The following ARPP21 variants were observed in gnomAD, a reference collection of about 807,000 sequenced individuals.
ARPP21 encodes the protein cAMP regulated phosphoprotein 21, also known as cAMP-regulated phosphoprotein 21.
ARPP21 carries 69 observed loss-of-function variants against 113.2 expected under a neutral mutation model. The observed-to-expected ratio is 0.61, with a 90% confidence interval of 0.50 to 0.74. The LOEUF is 0.74. Ranked by LOEUF, ARPP21 falls within the 30% of genes least tolerant of loss-of-function variation. ARPP21 has a pLI of 0.00. For synonymous variants in ARPP21, 368 were observed against 375.5 expected (o/e 0.98, Z 0.23); for missense variants, 1,070 against 1,037.4 (o/e 1.03, Z -0.43).
intron 12 of ARPP21, chr3:35,715,762 C>T: frequency 4.4e-6 from 1 of 226,318 alleles, no homozygotes; most frequent in Non-Finnish European, 8.8e-6. Flanking sequence ...ATTACCTTCA[C>T]CAGGCATTAA....
chr3:35,765,393 A>G (rs888954518), intron 19 of ARPP21, among the ~76,000 whole-genome samples: 2 of 152,120 alleles, frequency 1.3e-5, no homozygotes, highest in Admixed American at 6.6e-5. Context: ...ACAGAAACCA[A>G]GCGAGTGGGG....
At chr3:35,701,322 A>AG (rs964841220) in intron 9 of ARPP21, among the ~76,000 whole-genome samples, 21 of 151,766 alleles carry the variant, frequency 1.4e-4, no homozygotes, top group African/African-American at 4.6e-4. Context: ...ATTTAGAAGA[A>AG]TTGCTGTTCT....
At chr3:35,745,870 G>T (rs2095008707) in intron 19 of ARPP21, among the ~76,000 whole-genome samples, 1 of 152,114 alleles carries the variant, frequency 6.6e-6, no homozygotes, top group South Asian at 2.1e-4. Context: ...TGGTAGCTTT[G>T]GTTTGTCACA....
intron 19 of ARPP21, among the ~76,000 whole-genome samples, chr3:35,789,495 T>C (rs1286207428): frequency 2.6e-5 from 4 of 151,558 alleles, no homozygotes; most frequent in African/African-American, 4.9e-5. Context: ...AATTGGGCTC[T>C]CCTTACACTA....
intron 14 of ARPP21, among the ~76,000 whole-genome samples, chr3:35,722,498 C>G (rs977721644): frequency 2.0e-5 from 3 of 152,122 alleles, no homozygotes; most frequent in African/African-American, 7.2e-5. Context: ...GTTATAAACC[C>G]CCAATAAACT....
At chr3:35,663,561 A>C (rs919987023) in intron 1 of ARPP21, among the ~76,000 whole-genome samples, 1 of 152,214 alleles carries the variant, frequency 6.6e-6, no homozygotes, top group Admixed American at 6.5e-5. Flanking sequence ...AGAAATTTTT[A>C]ATAGCACAAA....
At chr3:35,713,337 A>G (rs2091732783) in intron 11 of ARPP21, among the ~76,000 whole-genome samples, 1 of 152,148 alleles carries the variant, frequency 6.6e-6, no homozygotes, top group Non-Finnish European at 1.5e-5. Context: ...GGATAATGAG[A>G]TAATTTTTTA....
intron 19 of ARPP21, among the ~76,000 whole-genome samples, chr3:35,775,591 G>A (rs1222734105): frequency 3.3e-5 from 5 of 152,008 alleles, no homozygotes; most frequent in Non-Finnish European, 7.4e-5. Context: ...AGACATATCT[G>A]GTCATCCCAT....
chr3:35,737,765 A>G (rs1047506101), intron 16 of ARPP21, among the ~76,000 whole-genome samples: 5 of 152,174 alleles, frequency 3.3e-5, no homozygotes, highest in African/African-American at 9.7e-5. Flanking sequence ...ATCAATGGGA[A>G]GAACAGAAAT....
At chr3:35,787,904 A>G (rs1415717557) in intron 19 of ARPP21, among the ~76,000 whole-genome samples, 1 of 152,160 alleles carries the variant, frequency 6.6e-6, no homozygotes, top group South Asian at 2.1e-4. Context: ...AATTCCTCGT[A>G]ATAGCTCTGT....
Position 35,669,696 on chromosome 3 carries a change from T to C in ARPP21, c.-212-10091T>C, listed in dbSNP as rs193023766. On this transcript the variant is annotated intron_variant, in intron 1 of 20. Transcript: ENST00000684406. Reference sequence around the variant, plus strand: ...TGGGTGGGTTAACTTCACATCTTTCTTTCTGAAGTGTCAATTTGCACTAGG... The same window carrying C: ...TGGGTGGGTTAACTTCACATCTTTCCTTCTGAAGTGTCAATTTGCACTAGG... Among the ~76,000 whole-genome samples the C allele has an allele frequency of 3.7e-3, 562 of 152,304 alleles. 2 individuals are homozygous for C. The highest frequency in any genetic ancestry group is 0.013 in the African/African-American group (544 of 41,582).
chr3:35,788,313 G>T (rs2096673451), intron 19 of ARPP21, among the ~76,000 whole-genome samples: 1 of 152,132 alleles, frequency 6.6e-6, no homozygotes, highest in Non-Finnish European at 1.5e-5. Flanking sequence ...CAGGGCTCTT[G>T]CTGGTTCCTT....
intron 19 of ARPP21, among the ~76,000 whole-genome samples, chr3:35,758,290 G>A (rs544147838): frequency 3.3e-5 from 5 of 151,992 alleles, no homozygotes; most frequent in South Asian, 4.2e-4. Flanking sequence ...CTTGGGGGGC[G>A]GGGGAACTAA....
chr3:35,755,828 T>C (rs1462744469), intron 19 of ARPP21, among the ~76,000 whole-genome samples: 1 of 152,102 alleles, frequency 6.6e-6, no homozygotes, highest in African/African-American at 2.4e-5. Flanking sequence ...GCAAGGCTTT[T>C]GGATGGTGTT....
rs1049452495 is a variant in ARPP21, at chr3:35,693,434, T to C, written c.686+2429T>C. ...GGTTCATCCTCTATTTGAGTAGTTC[T>C]TGAGGTGGGGGTGGATAACTGATGT... is the stretch of plus-strand genomic sequence containing the variant. On this transcript the variant is annotated intron_variant, in intron 9 of 20. Transcript: ENST00000684406. Among the ~76,000 whole-genome samples, 5 of 151,698 alleles carry C rather than the reference T, an allele frequency of 3.3e-5. No homozygotes were observed. In the East Asian group the frequency reaches 7.8e-4, roughly 24 times the overall value.
chr3:35,700,920 A>C (rs2086111453), intron 9 of ARPP21, among the ~76,000 whole-genome samples: 1 of 151,688 alleles, frequency 6.6e-6, no homozygotes, highest in Admixed American at 6.6e-5. Flanking sequence ...AGAAATACCT[A>C]ATATAAATGA....
At chr3:35,750,921 C>T (rs1450248306) in intron 19 of ARPP21, among the ~76,000 whole-genome samples, 2 of 152,170 alleles carry the variant, frequency 1.3e-5, no homozygotes, top group East Asian at 1.9e-4. Context: ...TAAGCTTCTG[C>T]CCGCATCTCT....
chr3:35,648,523 G>C (rs1298369675), intron 1 of ARPP21, among the ~76,000 whole-genome samples: 1 of 152,152 alleles, frequency 6.6e-6, no homozygotes, highest in African/African-American at 2.4e-5. Flanking sequence ...ACCACAGAAG[G>C]CTTCAGCTTC....
chr3:35,794,044 T>A lies in ARPP21; in HGVS notation c.*86T>A. 1 of 1,226,952 alleles carries A rather than the reference T, an allele frequency of 8.2e-7. No individual in the cohort carries two copies. 76.0% of individuals were successfully genotyped at this position (1,226,952 alleles called of 1,614,324 possible). A position where few individuals can be genotyped will look rare whatever the true frequency, so the allele number is the denominator to read the frequency against. On this transcript the variant is annotated 3_prime_UTR_variant, in exon 21 of 21. Coordinates refer to ENST00000684406, the MANE Select transcript of ARPP21 (RefSeq NM_001385562.1). ...AAGGTGGGAAAACTGGCTGAGGACT[T>A]AAGTATTCACTCAACACTCAAATGA...
Sources: gnomAD v4.1 joint callset for allele counts (sites outside exome capture counted in the v4.1 genomes callset) on GRCh38, gnomAD v4.1.1 for gene constraint, MANE v1.5 for transcripts, NCBI Gene and HGNC (gene_info 2026-07-23, HGNC 2026-07-21) for gene names.